The following SKIC8 variants were observed in gnomAD, a reference collection of about 807,000 sequenced individuals.
The protein encoded by SKIC8 is SKI8 subunit of superkiller complex, also known as superkiller complex protein 8.
the SKIC8 span, chr15:78,288,177 T>C: frequency 8.9e-4 from 972 of 1,098,282 alleles, 7 homozygotes; most frequent in African/African-American, 9.4e-3. Flanking sequence ...TCAAGGTGTC[T>C]GATGTGACTT....
the SKIC8 span, chr15:78,286,201 G>A: frequency 7.3e-7 from 1 of 1,371,714 alleles, no homozygotes; most frequent in Non-Finnish European, 1.0e-6. Context: ...GAAGTGGAAA[G>A]TATATTATTA....
chr15:78,288,891 G>A, the SKIC8 span: 3 of 452,338 alleles, frequency 6.6e-6, no homozygotes, highest in East Asian at 2.1e-4. Context: ...CACCGGTGTG[G>A]ACAGTGGGCA....
the SKIC8 span, chr15:78,288,384 T>C: frequency 9.9e-6 from 16 of 1,613,368 alleles, no homozygotes; most frequent in Non-Finnish European, 1.4e-5. Flanking sequence ...TGGCATGGCC[T>C]GAAATTCATA....
the SKIC8 span, among the ~76,000 whole-genome samples, chr15:78,297,488 CAT>C: frequency 1.6e-3 from 241 of 152,250 alleles, no homozygotes; most frequent in African/African-American, 5.6e-3. Context: ...AATACAAAAA[CAT>C]ATGTGCTTCT....
chr15:78,294,601 A>C, the SKIC8 span: 1 of 278,588 alleles, frequency 3.6e-6, no homozygotes, highest in Non-Finnish European at 6.9e-6. Context: ...TCACCTCCCC[A>C]GATGAGCCGG....
At chr15:78,292,149 G>T in the SKIC8 span, 10 of 166,064 alleles carry the variant, frequency 6.0e-5, no homozygotes, top group Admixed American at 4.1e-4. Flanking sequence ...CCATGATACA[G>T]ATCTATAAGG....
the SKIC8 span, chr15:78,295,675 C>G: frequency 6.3e-7 from 1 of 1,579,310 alleles, no homozygotes; most frequent in Non-Finnish European, 8.6e-7. Flanking sequence ...CAGGTCTTAC[C>G]TGGTTGGTCA....
At chr15:78,295,616 C>T in the SKIC8 span, 1 of 1,612,128 alleles carries the variant, frequency 6.2e-7, no homozygotes, top group East Asian at 2.2e-5. Context: ...AGAAAACCTA[C>T]TGGACTTGAA....
chr15:78,286,005 C>T, the SKIC8 span: 8 of 1,570,654 alleles, frequency 5.1e-6, no homozygotes, highest in Non-Finnish European at 6.1e-6. Flanking sequence ...TCTCATCTCC[C>T]CAGCATTTTA....
the SKIC8 span, chr15:78,286,153 A>G: frequency 1.8e-5 from 29 of 1,605,484 alleles, no homozygotes; most frequent in Non-Finnish European, 2.3e-5. Context: ...GAAAGTTTCA[A>G]ACAAAATTGA....
At chr15:78,295,313 G>C in the SKIC8 span, 1 of 552,258 alleles carries the variant, frequency 1.8e-6, no homozygotes, top group Non-Finnish European at 3.2e-6. Context: ...GCTGCAATAA[G>C]AACACACAGC....
the SKIC8 span, among the ~76,000 whole-genome samples, chr15:78,288,553 C>A: frequency 6.6e-6 from 1 of 152,146 alleles, no homozygotes; most frequent in Admixed American, 6.5e-5. Context: ...GTTCTCAAAA[C>A]ATCCACATAA....
the SKIC8 span, among the ~76,000 whole-genome samples, chr15:78,290,366 C>T: frequency 4.1e-4 from 62 of 152,238 alleles, 4 homozygotes; most frequent in South Asian, 0.012. Flanking sequence ...GAATGTAAAA[C>T]GGCACAGCCA....
At chr15:78,294,901 C>G in the SKIC8 span, 3 of 1,613,442 alleles carry the variant, frequency 1.9e-6, no homozygotes, top group East Asian at 2.2e-5. Context: ...AGGGACAACA[C>G]AGTTTTTTTC....
the SKIC8 span, chr15:78,293,444 G>A: frequency 1.7e-6 from 1 of 588,336 alleles, no homozygotes. Context: ...GAAAATTGGA[G>A]GTTCTGAAGA....
the SKIC8 span, chr15:78,286,963 C>G: frequency 6.6e-6 from 1 of 152,176 alleles, no homozygotes; most frequent in African/African-American, 2.4e-5. Flanking sequence ...GGTGGCTACA[C>G]ATAATTTTGT....
chr15:78,285,101 A>G, the SKIC8 span: 1 of 657,164 alleles, frequency 1.5e-6, no homozygotes, highest in Non-Finnish European at 2.6e-6. Context: ...GACTCTGCAC[A>G]GGAACTCTGG....
the SKIC8 span, among the ~76,000 whole-genome samples, chr15:78,297,798 A>G: frequency 6.6e-6 from 1 of 152,206 alleles, no homozygotes; most frequent in Admixed American, 6.5e-5. Flanking sequence ...ATCCAGGTTC[A>G]GGTTACTTTC....
chr15:78,288,045 T>G, the SKIC8 span, among the ~76,000 whole-genome samples: 3 of 152,164 alleles, frequency 2.0e-5, no homozygotes, highest in African/African-American at 7.2e-5. Context: ...AAAATCAGGC[T>G]GCCTGAGAAA....
Sources: allele counts gnomAD v4.1 joint callset (sites outside exome capture counted in the v4.1 genomes callset), GRCh38; gene constraint gnomAD v4.1.1; transcripts MANE v1.5; gene names NCBI Gene and HGNC (gene_info 2026-07-23, HGNC 2026-07-21).